SRRM4: variants seen among roughly 807,000 people sequenced by gnomAD.
SRRM4 encodes serine/arginine repetitive matrix 4, also known as serine/arginine repetitive matrix protein 4.
A neutral mutation model predicts 68.9 loss-of-function variants in SRRM4; 33 were observed. The observed-to-expected ratio is 0.48, with a 90% confidence interval of 0.36 to 0.64. The LOEUF is 0.64. SRRM4 is among the 30% of genes least tolerant of loss of function. SRRM4 has a pLI of 0.00. For synonymous variants in SRRM4, 318 were observed against 318.8 expected, an observed-to-expected ratio of 1.00 and a Z score of 0.03; for missense variants, 817 against 827.1, an observed-to-expected ratio of 0.99 and a Z score of 0.15.
intron 1 of SRRM4, among the ~76,000 whole-genome samples, chr12:119,009,196 C>G (rs1176054229): frequency 6.6e-6 from 1 of 152,148 alleles, no homozygotes; most frequent in African/African-American, 2.4e-5. Flanking sequence ...GAGATGCTAA[C>G]AGGAGGGGAA....
intron 1 of SRRM4, among the ~76,000 whole-genome samples, chr12:119,093,292 A>G (rs76947890): frequency 6.6e-6 from 1 of 152,298 alleles, no homozygotes; most frequent in East Asian, 1.9e-4. Flanking sequence ...CACATAATAG[A>G]TGCTCAATAA....
At chr12:119,063,230 A>G (rs1953825434) in intron 1 of SRRM4, among the ~76,000 whole-genome samples, 1 of 152,232 alleles carries the variant, frequency 6.6e-6, no homozygotes, top group African/African-American at 2.4e-5. Context: ...TGTCATGGTT[A>G]TCAATGCACA....
intron 1 of SRRM4, among the ~76,000 whole-genome samples, chr12:119,012,145 C>T (rs1397386150): frequency 6.6e-6 from 1 of 152,172 alleles, no homozygotes; most frequent in South Asian, 2.1e-4. Flanking sequence ...TTCTTTTTCA[C>T]CTCCCTGGGA....
intron 9 of SRRM4, 88 bp downstream of exon 9, chr12:119,145,773 C>A: frequency 8.9e-7 from 1 of 1,123,014 alleles, no homozygotes. Flanking sequence ...CCCCACTCCA[C>A]CCCCAAGATT....
intron 1 of SRRM4, among the ~76,000 whole-genome samples, chr12:119,026,841 A>G (rs1339537704): frequency 6.6e-6 from 1 of 152,114 alleles, no homozygotes; most frequent in Admixed American, 6.5e-5. Flanking sequence ...CAGGCCCACA[A>G]TGATCCTTTA....
At position 118,981,858 on chromosome 12, in the gene SRRM4, A is replaced by C; in HGVS notation, c.-25A>C. 1 of 1,607,814 alleles carries C rather than the reference A, an allele frequency of 6.2e-7. No homozygotes were observed. The highest frequency in any genetic ancestry group is 8.5e-7 in the Non-Finnish European group (1 of 1,176,956). ...TTCAGCACTTTGGACAGCGCCCCGG[A>C]CGCCCCGGCCCCTTTGGGTTGGCGA... On this transcript the variant is annotated 5_prime_UTR_variant, in exon 1 of 13. Coordinates refer to ENST00000267260, the MANE Select transcript of SRRM4 (RefSeq NM_194286.4).
rs1200573004 is a variant in SRRM4, at chr12:119,162,918, G to A, written c.*6120G>A. 1 of 152,228 alleles carries A rather than the reference G, an allele frequency of 6.6e-6. No individual in the cohort carries two copies. The highest frequency in any genetic ancestry group is 2.4e-5 in the African/African-American group (1 of 41,444). The allele number at this position is 152,228 out of a possible 1,614,324, so 9.4% of individuals were successfully genotyped here. On this transcript the variant is annotated 3_prime_UTR_variant, in exon 13 of 13. Coordinates refer to ENST00000267260, the MANE Select transcript of SRRM4 (RefSeq NM_194286.4). ...ATCCTGGGACCCTGTCCTCTGCCCA[G>A]TGACACAGCAGCCATGGCTAGCTTG...
chr12:119,048,162 A>T (rs1953719021), intron 1 of SRRM4, among the ~76,000 whole-genome samples: 1 of 152,000 alleles, frequency 6.6e-6, no homozygotes, highest in Non-Finnish European at 1.5e-5. Flanking sequence ...AAGAATTAGA[A>T]CCCCTATTTT....
chr12:119,133,446 C>T (rs1376557580), intron 8 of SRRM4, among the ~76,000 whole-genome samples: 1 of 152,112 alleles, frequency 6.6e-6, no homozygotes, highest in African/African-American at 2.4e-5. Flanking sequence ...GAGCCAAGAC[C>T]CCTGCTTCCC....
intron 1 of SRRM4, among the ~76,000 whole-genome samples, chr12:119,098,947 C>A (rs1018757865): frequency 6.6e-6 from 1 of 152,100 alleles, no homozygotes; most frequent in Non-Finnish European, 1.5e-5. Flanking sequence ...CCCTTTTCTC[C>A]CTTCAGCCTT....
chr12:119,110,602 C>T (rs550992162), intron 2 of SRRM4, among the ~76,000 whole-genome samples: 5 of 152,318 alleles, frequency 3.3e-5, no homozygotes, highest in Admixed American at 6.5e-5. Context: ...AGTGAGGCTC[C>T]GTGGGCATGG....
At chr12:119,128,432 G>T (rs2136056554) in intron 7 of SRRM4, among the ~76,000 whole-genome samples, 1 of 152,246 alleles carries the variant, frequency 6.6e-6, no homozygotes, top group Non-Finnish European at 1.5e-5. Context: ...ATCTGTAAAT[G>T]CTCCCCAAAC....
rs1954514421 is a variant in SRRM4, at chr12:119,161,629, T to C, written c.*4831T>C. ...GAGAAGGACCACCTCTTTCCCTGAA[T>C]TGCTATTGAGAATTGGTCCATCTCC... On this transcript the variant is annotated 3_prime_UTR_variant, in exon 13 of 13. Coordinates refer to ENST00000267260, the MANE Select transcript of SRRM4 (RefSeq NM_194286.4). The C allele has an allele frequency of 6.6e-6, 1 of 152,572 alleles. No homozygotes were observed. Among genetic ancestry groups the C allele is most frequent in the African/African-American group, 2.4e-5 (1 of 41,462 alleles). The allele number at this position is 152,572 out of a possible 1,614,324, so 9.5% of individuals were successfully genotyped here.
chr12:118,989,310 C>T (rs920299987), intron 1 of SRRM4, among the ~76,000 whole-genome samples: 2 of 152,162 alleles, frequency 1.3e-5, no homozygotes, highest in African/African-American at 2.4e-5. Context: ...TTTACAGTCC[C>T]TTTGATTGTG....
At chr12:119,038,293 G>C (rs189055944) in intron 1 of SRRM4, among the ~76,000 whole-genome samples, 1 of 150,860 alleles carries the variant, frequency 6.6e-6, no homozygotes, top group Admixed American at 6.6e-5. Flanking sequence ...CTCACTGCAA[G>C]CTCCGCCTTC....
At chr12:119,079,602 C>G (rs1027453781) in intron 1 of SRRM4, among the ~76,000 whole-genome samples, 1 of 152,150 alleles carries the variant, frequency 6.6e-6, no homozygotes, top group African/African-American at 2.4e-5. Context: ...GTTCACCTGC[C>G]GCATTGCACA....
In SRRM4 at chr12:119,153,652, A is replaced by G. The variant is rs1954453809; in HGVS notation, c.1391+3A>G. 5 of 1,546,580 alleles carry G rather than the reference A, an allele frequency of 3.2e-6. No individual in the cohort carries two copies. Among genetic ancestry groups the G allele is most frequent in the Admixed American group, 1.9e-5 (1 of 51,446 alleles). ...TACTCCCGCTACAGCCCCAGCAGGT[A>G]CCGGCCCCGCCCCTCAAACTAGGCC... On this transcript the variant is annotated splice_donor_region_variant and intron_variant, in intron 11 of 12. Coordinates refer to ENST00000267260, the MANE Select transcript of SRRM4 (RefSeq NM_194286.4).
intron 1 of SRRM4, among the ~76,000 whole-genome samples, chr12:119,039,005 G>A (rs753643351): frequency 5.9e-5 from 9 of 152,152 alleles, no homozygotes; most frequent in Non-Finnish European, 1.0e-4. Context: ...ACATTTCAAC[G>A]CTCAAAATGC....
chr12:119,013,907 C>T (rs959798630), intron 1 of SRRM4, among the ~76,000 whole-genome samples: 1 of 149,046 alleles, frequency 6.7e-6, no homozygotes, highest in African/African-American at 2.5e-5. Flanking sequence ...CATTGCCCAC[C>T]CCAAAGTGTG....
Sources: gnomAD v4.1 joint callset for allele counts (sites outside exome capture counted in the v4.1 genomes callset) on GRCh38, gnomAD v4.1.1 for gene constraint, MANE v1.5 for transcripts, NCBI Gene and HGNC (gene_info 2026-07-23, HGNC 2026-07-21) for gene names.